JAM3: variants seen among roughly 807,000 people sequenced by gnomAD.
JAM3 encodes the protein junctional adhesion molecule 3.
Under a neutral mutation model 39.4 loss-of-function variants are expected in JAM3, and 31 were observed. The ratio of observed to expected loss-of-function variants is 0.79; its 90% CI spans 0.59 to 1.06. JAM3 has a LOEUF of 1.06. JAM3 is among the 50% of genes least tolerant of loss of function. JAM3 has a pLI of 0.00. For missense variants in JAM3, 455 were observed against 391.4 expected, an observed-to-expected ratio of 1.16 and a Z score of -1.37; for synonymous variants, 182 against 148.7, an observed-to-expected ratio of 1.22 and a Z score of -1.63.
Position 134,149,187 on chromosome 11 carries a change from G to C in JAM3, c.*6G>C. The C allele has an allele frequency of 6.2e-7, 1 of 1,613,980 alleles. No homozygotes were observed. The highest frequency in any genetic ancestry group is 8.5e-7 in the Non-Finnish European group (1 of 1,179,872). ...AGTCATCGTTTGTGATCTGAGACCC[G>C]CGGTGTGGCTGAGAGCGCACAGAGC... On this transcript the variant is annotated 3_prime_UTR_variant, in exon 9 of 9. Coordinates refer to ENST00000299106, the MANE Select transcript of JAM3 (RefSeq NM_032801.5).
At chr11:134,105,081 C>G (rs1269132701) in intron 1 of JAM3, among the ~76,000 whole-genome samples, 8 of 152,132 alleles carry the variant, frequency 5.3e-5, no homozygotes, top group Admixed American at 2.6e-4. Context: ...TATCCCTGAT[C>G]AACATCGATG....
rs1273892862 is a variant in JAM3 at position 134,145,009 on chromosome 11, AAG to A, written c.612+18_612+19del. The A allele has an allele frequency of 2.5e-6, 4 of 1,590,322 alleles. No individual in the cohort carries two copies. The highest frequency in any genetic ancestry group is 3.5e-6 in the Non-Finnish European group (4 of 1,158,356). ...CAGGCACTTTGGTAAGATCTCTTCT[AAG>A]AGGTGAGGATGGAGATGTCTTTGTT... On this transcript the variant is annotated intron_variant, in intron 5 of 8. Transcript: ENST00000299106.
rs534387600 is a variant in JAM3, at chr11:134,094,987, A to G, written c.76+25828A>G. On this transcript the variant is annotated intron_variant, in intron 1 of 8. Transcript: ENST00000299106. ...CTTCATATGTAACACGTATGTTAAA[A>G]GATATGCTTGGTAGTGAATTCTGAA... Among the ~76,000 whole-genome samples the G allele has an allele frequency of 2.8e-4, 42 of 152,372 alleles. No individual in the cohort carries two copies. The South Asian group carries it at 6.8e-3, about 25-fold the overall frequency.
At chr11:134,135,255 C>G (rs1452886251) in intron 1 of JAM3, among the ~76,000 whole-genome samples, 2 of 152,192 alleles carry the variant, frequency 1.3e-5, no homozygotes, top group South Asian at 4.1e-4. Context: ...TTTCCCAGCA[C>G]TGTTGTTGGA....
chr11:134,074,179 C>G (rs149234042), intron 1 of JAM3, among the ~76,000 whole-genome samples: 1 of 152,282 alleles, frequency 6.6e-6, no homozygotes, highest in African/African-American at 2.4e-5. Context: ...TGAGAATGAA[C>G]CAGACTGTTG....
At chr11:134,118,795 C>G (rs754971437) in intron 1 of JAM3, among the ~76,000 whole-genome samples, 1 of 152,138 alleles carries the variant, frequency 6.6e-6, no homozygotes, top group Admixed American at 6.6e-5. Flanking sequence ...CCATGATAAT[C>G]CTGGACTTTC....
In JAM3 at chr11:134,144,988, C is replaced by A. The variant is rs1943045215; in HGVS notation, c.606C>A (p.Gly202=). Residue 202 remains glycine, a synonymous_variant, in exon 5 of 9, where the codon GGC becomes GGA. Transcript: ENST00000299106. ...CTTTCCACTTAAACTCTGAAACAGG[C>A]ACTTTGGTAAGATCTCTTCTAAGAG... is the stretch of plus-strand genomic sequence containing the variant. The part of the protein sequence containing the change: ...NSSFHLNSET[G]TLVFTAVHKD... The A allele has an allele frequency of 6.2e-7, 1 of 1,612,104 alleles. No individual in the cohort carries two copies. The highest frequency in any genetic ancestry group is 8.5e-7 in the Non-Finnish European group (1 of 1,178,120).
intron 1 of JAM3, among the ~76,000 whole-genome samples, chr11:134,092,743 C>T (rs1941893098): frequency 7.3e-6 from 1 of 136,602 alleles, no homozygotes; most frequent in Admixed American, 7.1e-5. Context: ...GAAGCGTCTC[C>T]TGAACCCTCC....
intron 1 of JAM3, among the ~76,000 whole-genome samples, chr11:134,092,911 G>A (rs948756607): frequency 2.7e-4 from 40 of 146,456 alleles, no homozygotes; most frequent in African/African-American, 4.3e-4. Context: ...TATTCATCAT[G>A]TTCCACCTTA....
intron 2 of JAM3, 131 bp from the exon 3 acceptor site, chr11:134,140,526 G>T: frequency 2.7e-6 from 2 of 752,250 alleles, no homozygotes; most frequent in Non-Finnish European, 4.8e-6. Flanking sequence ...AAGTCTCTTG[G>T]AGTGTGGAGT....
intron 1 of JAM3, among the ~76,000 whole-genome samples, chr11:134,119,094 A>ATT (rs796216013): frequency 7.2e-6 from 1 of 139,704 alleles, no homozygotes; most frequent in African/African-American, 2.7e-5. Context: ...TAATTTTTGT[A>ATT]TTTTTTTTTT....
chr11:134,128,580 G>A (rs1196187658), intron 1 of JAM3, among the ~76,000 whole-genome samples: 1 of 152,136 alleles, frequency 6.6e-6, no homozygotes, highest in African/African-American at 2.4e-5. Flanking sequence ...GTTCTCATGA[G>A]ATCTGATGGT....
chr11:134,083,255 T>C (rs1941694505), intron 1 of JAM3, among the ~76,000 whole-genome samples: 1 of 152,204 alleles, frequency 6.6e-6, no homozygotes, highest in Admixed American at 6.5e-5. Context: ...TCCTCTGTCA[T>C]CTACCTCCGG....
Position 134,139,888 on chromosome 11 carries a change from T to C in JAM3, c.114T>C (p.Asn38=). ...LIGAVNLKSS[N]RTPVVQEFES... is the part of the protein sequence containing the mutation. Reference sequence around the variant, plus strand: ...GGGCTGTAAATCTCAAATCCAGCAATCGAACCCCAGTGGTACAGGAATTTG... The same window carrying C: ...GGGCTGTAAATCTCAAATCCAGCAACCGAACCCCAGTGGTACAGGAATTTG... The change falls in exon 2 of 9, where the codon AAT becomes AAC. Residue 38 remains asparagine (N), a synonymous_variant. Coordinates refer to ENST00000299106, the MANE Select transcript of JAM3 (RefSeq NM_032801.5). 6.2e-7 allele frequency: 1 copy of C among 1,614,038 alleles called. No homozygotes were observed. The highest frequency in any genetic ancestry group is 8.5e-7 in the Non-Finnish European group (1 of 1,179,902).
chr11:134,100,567 C>G (rs888456729), intron 1 of JAM3, among the ~76,000 whole-genome samples: 1 of 152,162 alleles, frequency 6.6e-6, no homozygotes, highest in African/African-American at 2.4e-5. Context: ...TGCTAGTGAG[C>G]TCCTTGAGGG....
chr11:134,069,240 G>T, intron 1 of JAM3, 81 bp downstream of exon 1: 1 of 1,537,938 alleles, frequency 6.5e-7, no homozygotes, highest in Non-Finnish European at 8.8e-7. Context: ...GCTGGAGCCG[G>T]TCCGGGCGAG....
chr11:134,137,112 C>CAA (rs1167572520), intron 1 of JAM3, among the ~76,000 whole-genome samples: 3,152 of 85,124 alleles, frequency 0.037, 122 homozygotes, highest in African/African-American at 0.13. Context: ...GACTCTGTCT[C>CAA]AAAAAAAAAA....
intron 1 of JAM3, among the ~76,000 whole-genome samples, chr11:134,084,079 A>C (rs1318390447): frequency 1.3e-5 from 2 of 152,344 alleles, no homozygotes; most frequent in East Asian, 3.9e-4. Flanking sequence ...GATTTGTAGC[A>C]TGGTCTTTGG....
At chr11:134,148,958 A>ACACG in intron 8 of JAM3, 140 bp downstream of exon 8, 1 of 267,590 alleles carries the variant, frequency 3.7e-6, no homozygotes, top group Middle Eastern at 6.0e-4. Context: ...TCACAGTAAC[A>ACACG]CACACACACA....
Sources: gnomAD v4.1 joint callset for allele counts (sites outside exome capture counted in the v4.1 genomes callset) on GRCh38, gnomAD v4.1.1 for gene constraint, MANE v1.5 for transcripts, NCBI Gene and HGNC (gene_info 2026-07-23, HGNC 2026-07-21) for gene names.